Variants in ALDH7A1 observed in about 807,000 individuals in gnomAD.
ALDH7A1 encodes aldehyde dehydrogenase 7 family member A1, also known as alpha-aminoadipic semialdehyde dehydrogenase.
Under a neutral mutation model 79.9 loss-of-function variants are expected in ALDH7A1, and 63 were observed. That is an observed-to-expected ratio of 0.79 (90% CI 0.64 to 0.97). ALDH7A1 has a LOEUF of 0.97. ALDH7A1 is among the 50% of genes least tolerant of loss of function. The probability of loss-of-function intolerance (pLI) is 0.00; values close to 1 mark genes in which losing one functional copy is unlikely to be tolerated. For missense variants in ALDH7A1, 627 were observed against 665.2 expected (o/e 0.94, Z 0.63); for synonymous variants, 240 against 231.2 (o/e 1.04, Z -0.34).
At chr5:126,555,781 C>T in intron 12 of ALDH7A1, 150 bp downstream of exon 12, 1 of 654,822 alleles carries the variant, frequency 1.5e-6, no homozygotes. Flanking sequence ...AACCTAGGAG[C>T]AGACACGATA....
In ALDH7A1 at chr5:126,564,070, A is replaced by G. The variant is rs1311518883; in HGVS notation, c.872-2946T>C. Among the ~76,000 whole-genome samples the G allele has an allele frequency of 3.3e-5, 5 of 152,150 alleles. No individual in the cohort carries two copies. The East Asian group carries it at 9.6e-4, about 29-fold the overall frequency. On this transcript the variant is annotated intron_variant, in intron 9 of 17. Coordinates refer to ENST00000409134, the MANE Select transcript of ALDH7A1 (RefSeq NM_001182.5). ...CCAAAGTCCTGGGATTACAGATATG[A>G]GCCACTACACCTGGCCTATAAATGC...
intron 2 of ALDH7A1, 29 bp from the exon 3 acceptor site, chr5:126,592,758 G>A: frequency 6.3e-7 from 1 of 1,594,290 alleles, no homozygotes; most frequent in East Asian, 2.2e-5. Context: ...GGACAGAAAG[G>A]GGGAAATAAA....
At position 126,595,040 on chromosome 5, in the gene ALDH7A1, G is replaced by C; in HGVS notation, c.159C>G (p.Gly53=). ...GGCCTCCCCAGCTTCCATTATACACGCCCTCGTTTTCCTCGCGGAGCCCCA... is the reference window on the plus strand; with the variant it reads ...GGCCTCCCCAGCTTCCATTATACACCCCCTCGTTTTCCTCGCGGAGCCCCA... ...KELGLREENE[G]VYNGSWGGRG... is the part of the protein sequence containing the mutation. Residue 53 remains glycine (G), a synonymous_variant, in exon 1 of 18, where the codon GGC becomes GGG. Transcript: ENST00000409134. The C allele has an allele frequency of 1.9e-6, 3 of 1,609,296 alleles. No homozygotes were observed. The highest frequency in any genetic ancestry group is 2.5e-6 in the Non-Finnish European group (3 of 1,178,242).
At position 126,550,285 on chromosome 5, in the gene ALDH7A1, T is replaced by C; in HGVS notation, c.1326A>G (p.Glu442=). 6.2e-7 allele frequency: 1 copy of C among 1,610,586 alleles called. No individual in the cohort carries two copies. The highest frequency in any genetic ancestry group is 8.5e-7 in the Non-Finnish European group (1 of 1,177,242). The part of the protein sequence containing the change: ...ILYVFKFKNE[E]EVFAWNNEVK... ...CTTCATTATTCCATGCAAAGACCTCTTCTTCATTCTAAAAGGAGAGACATT... is the reference window on the plus strand; with the variant it reads ...CTTCATTATTCCATGCAAAGACCTCCTCTTCATTCTAAAAGGAGAGACATT... Residue 442 remains glutamate, a synonymous_variant, in exon 15 of 18, where the codon GAA becomes GAG. Coordinates refer to ENST00000409134, the MANE Select transcript of ALDH7A1 (RefSeq NM_001182.5).
intron 9 of ALDH7A1, chr5:126,561,672 C>CAGCCA (rs1162538335): frequency 2.0e-5 from 3 of 152,336 alleles, no homozygotes; most frequent in African/African-American, 7.2e-5. Context: ...GGAAAGTCTA[C>CAGCCA]AGCCAAACCA....
intron 3 of ALDH7A1, among the ~76,000 whole-genome samples, chr5:126,589,495 G>A (rs1372480355): frequency 6.6e-6 from 1 of 151,806 alleles, no homozygotes; most frequent in Non-Finnish European, 1.5e-5. Context: ...TATATGTATA[G>A]GAAGGCCAGG....
chr5:126,551,912 T>C (rs1464789543), intron 14 of ALDH7A1, 109 bp downstream of exon 14: 40 of 875,516 alleles, frequency 4.6e-5, no homozygotes, highest in Non-Finnish European at 7.1e-5. Context: ...ACTATTCAGA[T>C]TACTTTCTAA....
chr5:126,561,228 A>G (rs1750393772), intron 9 of ALDH7A1, 104 bp from the exon 10 acceptor site: 1 of 839,870 alleles, frequency 1.2e-6, no homozygotes, highest in South Asian at 1.8e-5. Context: ...AGCCTGTCCA[A>G]TTATTTTTTA....
chr5:126,590,739 T>C (rs1370053027), intron 3 of ALDH7A1, among the ~76,000 whole-genome samples: 2 of 151,758 alleles, frequency 1.3e-5, no homozygotes, highest in African/African-American at 2.4e-5. Flanking sequence ...ACAAAAAAAT[T>C]AGCCAGGCAT....
chr5:126,552,063 G>A lies in ALDH7A1; in HGVS notation c.1275C>T (p.His425=), dbSNP rs767375552. 10 of 1,614,012 alleles carry A rather than the reference G, an allele frequency of 6.2e-6. No individual in the cohort carries two copies. The highest frequency in any genetic ancestry group is 1.1e-5 in the South Asian group (1 of 91,058). The change falls in exon 14 of 18, where the codon CAC becomes CAT. Residue 425 remains histidine (H), a synonymous_variant. Coordinates refer to ENST00000409134, the MANE Select transcript of ALDH7A1 (RefSeq NM_001182.5). ...AGAGAATCGGAGCAAAAGTCTCTGT[G>A]TGTGCAATGGACGCATCGTGGCCAA... ...TGLGHDASIA[H]TETFAPILYV... is the part of the protein sequence containing the mutation.
At chr5:126,568,378 C>G (rs776596712) in intron 8 of ALDH7A1, 22 bp from the exon 9 acceptor site, 2 of 1,605,902 alleles carry the variant, frequency 1.2e-6, no homozygotes, top group African/African-American at 1.3e-5. Flanking sequence ...CAGACACGGT[C>G]GGCCACCCAA....
chr5:126,582,364 G>C (rs1234733509), intron 5 of ALDH7A1, among the ~76,000 whole-genome samples: 1 of 152,184 alleles, frequency 6.6e-6, no homozygotes, highest in East Asian at 1.9e-4. Context: ...AAAAGTGTGG[G>C]TTAGGGGAAG....
In ALDH7A1 at chr5:126,592,725, C is replaced by T. The variant is rs769518060; in HGVS notation, c.251G>A (p.Ser84Asn). The part of the protein sequence containing the change: ...NEPIARVRQA[S>N]VADYEETVKK... The stretch of plus-strand genomic sequence containing the variant: ...TACAGTTTCTTCATAGTCTGCCACA[C>T]TGGCCTAAATTAAGAATTAGGGGGA... Residue 84 changes from serine to asparagine, a missense_variant, in exon 3 of 18, where the codon AGT becomes AAT. Physicochemically the swap from Ser to Asn is conservative, Grantham distance 46. Coordinates refer to ENST00000409134, the MANE Select transcript of ALDH7A1 (RefSeq NM_001182.5). 1 of 1,613,832 alleles carries T rather than the reference C, an allele frequency of 6.2e-7. No homozygotes were observed. The highest frequency in any genetic ancestry group is 1.7e-5 in the Admixed American group (1 of 60,008).
intron 4 of ALDH7A1, among the ~76,000 whole-genome samples, chr5:126,583,483 AAAATAAAT>A (rs551771301): frequency 6.6e-5 from 10 of 151,082 alleles, no homozygotes; most frequent in African/African-American, 1.5e-4. Flanking sequence ...CTCCATCTCA[AAAATAAAT>A]AAATAAATAA....
intron 11 of ALDH7A1, 144 bp downstream of exon 11, chr5:126,559,096 A>G: frequency 2.9e-6 from 2 of 700,340 alleles, no homozygotes; most frequent in Non-Finnish European, 5.1e-6. Context: ...ATGAGCACAG[A>G]AAGAGAACTG....
chr5:126,593,918 C>A, intron 1 of ALDH7A1: 1 of 269,312 alleles, frequency 3.7e-6, no homozygotes, highest in Non-Finnish European at 7.4e-6. Context: ...GGATGAAACA[C>A]CGAGGTCTGA....
chr5:126,544,749 C>T lies in ALDH7A1; in HGVS notation c.*216G>A. On this transcript the variant is annotated 3_prime_UTR_variant, in exon 18 of 18. Transcript: ENST00000409134. Reference sequence around the variant, plus strand: ...TGACATAATAAAAATCCACCTAACTCATCTTTTAGTAACTATGGCTATGTT... The same window carrying T: ...TGACATAATAAAAATCCACCTAACTTATCTTTTAGTAACTATGGCTATGTT... The T allele has an allele frequency of 1.8e-6, 1 of 555,280 alleles. No individual in the cohort carries two copies. Among genetic ancestry groups the T allele is most frequent in the Non-Finnish European group, 3.2e-6 (1 of 311,022 alleles). The allele number at this position is 555,280 out of a possible 1,614,324, so 34.4% of individuals were successfully genotyped here. A position where few individuals can be genotyped will look rare whatever the true frequency, so the allele number is the denominator to read the frequency against.
chr5:126,589,706 C>A (rs528084615), intron 3 of ALDH7A1, among the ~76,000 whole-genome samples: 3 of 149,910 alleles, frequency 2.0e-5, no homozygotes, highest in Admixed American at 1.3e-4. Flanking sequence ...ATGTGAGGAG[C>A]GCCACTGCCC....
chr5:126,592,801 A>G, intron 2 of ALDH7A1, 72 bp from the exon 3 acceptor site: 1 of 1,440,766 alleles, frequency 6.9e-7, no homozygotes, highest in East Asian at 2.3e-5. Flanking sequence ...GAACACAAAA[A>G]TATTTTCAGA....
Sources: gnomAD v4.1 joint callset for allele counts (sites outside exome capture counted in the v4.1 genomes callset) on GRCh38, gnomAD v4.1.1 for gene constraint, MANE v1.5 for transcripts, NCBI Gene and HGNC (gene_info 2026-07-23, HGNC 2026-07-21) for gene names.